CDC42BPA: variants seen among roughly 807,000 people sequenced by gnomAD.
CDC42BPA encodes the protein CDC42 binding protein kinase alpha, also known as serine/threonine-protein kinase MRCK alpha.
In CDC42BPA, 80 loss-of-function variants were observed where a neutral mutation model predicts 223.5. The ratio of observed to expected loss-of-function variants is 0.36; its 90% confidence interval spans 0.30 to 0.43. The LOEUF (loss-of-function observed/expected upper bound fraction) is 0.43, where lower values mean the gene tolerates loss of function less well. CDC42BPA is among the 20% of genes least tolerant of loss of function. The probability of loss-of-function intolerance (pLI) is 1.00; values close to 1 mark genes in which losing one functional copy is unlikely to be tolerated. For synonymous variants in CDC42BPA, 694 were observed against 718.6 expected, an observed-to-expected ratio of 0.97 and a Z score of 0.55; for missense variants, 1,743 against 2,099.9, an observed-to-expected ratio of 0.83 and a Z score of 3.32.
intron 28 of CDC42BPA, 27 bp from the exon 29 acceptor site, chr1:227,030,497 T>C (rs778902521): frequency 3.5e-5 from 50 of 1,438,146 alleles, no homozygotes; most frequent in Admixed American, 4.4e-5. Context: ...TGTGAAAGAT[T>C]TTTATTAGGA....
At chr1:227,086,792 C>T (rs1682014002) in intron 16 of CDC42BPA, among the ~76,000 whole-genome samples, 1 of 151,684 alleles carries the variant, frequency 6.6e-6, no homozygotes, top group Non-Finnish European at 1.5e-5. Flanking sequence ...TTTAGCCTTC[C>T]AGGTAACTGG....
intron 12 of CDC42BPA, among the ~76,000 whole-genome samples, chr1:227,115,886 C>T (rs115823838): frequency 0.051 from 7,624 of 149,324 alleles, 232 homozygotes; most frequent in Non-Finnish European, 0.073. Flanking sequence ...AAAAAAAACA[C>T]GTCAATCTCA....
At chr1:227,175,759 T>G (rs1666845268) in intron 5 of CDC42BPA, among the ~76,000 whole-genome samples, 1 of 152,198 alleles carries the variant, frequency 6.6e-6, no homozygotes, top group African/African-American at 2.4e-5. Context: ...TATTTGCTAT[T>G]TGGCATGACA....
At position 227,016,997 on chromosome 1, in the gene CDC42BPA, C is replaced by A; in HGVS notation, c.4669G>T (p.Val1557Phe). ...ETSDNSRKQM[V>F]RNINNKRRYS... Reference sequence around the variant, plus strand: ...CGCCGCTTATTGTTAATGTTTCTAACCATTTGTTTCCGACTATTATCTGAT... The same window carrying A: ...CGCCGCTTATTGTTAATGTTTCTAAACATTTGTTTCCGACTATTATCTGAT... The change falls in exon 33 of 37, where the codon GTT becomes TTT. Residue 1557 changes from valine to phenylalanine, a missense_variant. Around this residue, in one of 6 missense-constraint regions of CDC42BPA, gnomAD observed 44 missense variants for 81.0 expected, o/e 0.54. Coordinates refer to ENST00000366766, the MANE Select transcript of CDC42BPA (RefSeq NM_001394014.1). 4 of 1,613,504 alleles carry A rather than the reference C, an allele frequency of 2.5e-6. No homozygotes were observed. The highest frequency in any genetic ancestry group is 2.2e-5 in the East Asian group (1 of 44,852).
intron 2 of CDC42BPA, among the ~76,000 whole-genome samples, chr1:227,237,797 T>C (rs1468820969): frequency 5.0e-5 from 7 of 139,138 alleles, no homozygotes; most frequent in African/African-American, 1.9e-4. Flanking sequence ...TCCCAGCACT[T>C]TGGGAGGCCG....
intron 21 of CDC42BPA, among the ~76,000 whole-genome samples, chr1:227,060,717 C>CT (rs59728048): frequency 0.031 from 2,965 of 95,386 alleles, 141 homozygotes; most frequent in East Asian, 0.058. Context: ...TAAATAGGTA[C>CT]TTTTTTTTTT....
rs796955127 is a variant in CDC42BPA, at chr1:227,151,091, C to T, written c.694-3532G>A. On this transcript the variant is annotated intron_variant, in intron 6 of 36. Transcript: ENST00000366766. Reference sequence around the variant, plus strand: ...TTCACACTGTTGTGCAACCAGTCCCCACCATCCTTCTCTAAAATTTTTTCA... The same window carrying T: ...TTCACACTGTTGTGCAACCAGTCCCTACCATCCTTCTCTAAAATTTTTTCA... Among the ~76,000 whole-genome samples the T allele has an allele frequency of 2.6e-4, 39 of 152,204 alleles. 1 individual carries two copies. The highest frequency in any genetic ancestry group is 8.4e-4 in the African/African-American group (35 of 41,542).
chr1:227,092,436 G>A (rs1683251589), intron 15 of CDC42BPA, among the ~76,000 whole-genome samples: 1 of 152,182 alleles, frequency 6.6e-6, no homozygotes, highest in Admixed American at 6.5e-5. Flanking sequence ...CGTACATCAA[G>A]GTTGATAATG....
chr1:227,060,306 G>A (rs542186790), intron 21 of CDC42BPA, among the ~76,000 whole-genome samples: 70 of 152,084 alleles, frequency 4.6e-4, no homozygotes, highest in Non-Finnish European at 8.2e-4. Context: ...AAATATTTTT[G>A]TGATGCTCCA....
In CDC42BPA at chr1:227,252,578, C is replaced by T. The variant is rs149232878; in HGVS notation, c.270+1486G>A. ...GATACCAAAATCTGATCAGAACATT[C>T]GAAGTAGGAAAATTACAGGCCAATT... is the stretch of plus-strand genomic sequence containing the variant. On this transcript the variant is annotated intron_variant, in intron 2 of 36. Coordinates refer to ENST00000366766, the MANE Select transcript of CDC42BPA (RefSeq NM_001394014.1). Among the ~76,000 whole-genome samples, 12 of 152,124 alleles carry T rather than the reference C, an allele frequency of 7.9e-5. No individual in the cohort carries two copies. In the East Asian group the frequency reaches 1.7e-3, roughly 22 times the overall value.
rs150909723 is a variant in CDC42BPA at position 227,307,479 on chromosome 1, C to T, written c.178+9526G>A. 3.7e-3 allele frequency among the ~76,000 whole-genome samples: 566 copies of T among 152,102 alleles called. 1 individual carries two copies. Among genetic ancestry groups the T allele is most frequent in the Middle Eastern group, 6.8e-3 (2 of 294 alleles). ...GTCAGCTGTTCTTCATAAGGAGTTC[C>T]AATGTTAAATTACTCAGGCAAATTC... On this transcript the variant is annotated intron_variant, in intron 1 of 36. Coordinates refer to ENST00000366766, the MANE Select transcript of CDC42BPA (RefSeq NM_001394014.1).
chr1:227,200,429 T>TTAAAA (rs1671524105), intron 3 of CDC42BPA, among the ~76,000 whole-genome samples: 3 of 33,348 alleles, frequency 9.0e-5, no homozygotes, highest in African/African-American at 3.6e-4. Context: ...AGACCTTGCC[T>TTAAAA]TAAAAAACAA....
chr1:227,102,329 C>A (rs1265068852), intron 14 of CDC42BPA, among the ~76,000 whole-genome samples: 1 of 152,102 alleles, frequency 6.6e-6, no homozygotes, highest in Non-Finnish European at 1.5e-5. Context: ...TGTGCCAGAT[C>A]CAGATCGTCC....
At chr1:227,288,947 T>A (rs1342905045) in intron 1 of CDC42BPA, among the ~76,000 whole-genome samples, 6 of 152,004 alleles carry the variant, frequency 3.9e-5, no homozygotes, top group Non-Finnish European at 5.9e-5. Context: ...TGGGGAGAGA[T>A]CATGTCATTG....
chr1:227,066,251 C>G (rs541373868), intron 21 of CDC42BPA, among the ~76,000 whole-genome samples: 1 of 151,684 alleles, frequency 6.6e-6, no homozygotes, highest in Non-Finnish European at 1.5e-5. Context: ...TAGCTAGGCA[C>G]GGGGGGCATG....
intron 1 of CDC42BPA, among the ~76,000 whole-genome samples, chr1:227,277,706 T>A (rs1687341438): frequency 6.6e-6 from 1 of 152,212 alleles, no homozygotes; most frequent in African/African-American, 2.4e-5. Context: ...ACTAAAAATT[T>A]AAAATCTCTT....
intron 1 of CDC42BPA, among the ~76,000 whole-genome samples, chr1:227,262,391 C>A (rs75284290): frequency 3.3e-5 from 5 of 151,964 alleles, no homozygotes; most frequent in South Asian, 2.1e-4. Flanking sequence ...TACTCTGAAG[C>A]AATAATTGAA....
chr1:227,201,270 C>T (rs960866858), intron 3 of CDC42BPA, among the ~76,000 whole-genome samples: 1 of 151,898 alleles, frequency 6.6e-6, no homozygotes, highest in Admixed American at 6.6e-5. Flanking sequence ...CTTAGCCTCT[C>T]GAGTAGCTGG....
intron 5 of CDC42BPA, among the ~76,000 whole-genome samples, chr1:227,168,776 C>T (rs963036494): frequency 6.6e-6 from 1 of 152,044 alleles, no homozygotes; most frequent in Non-Finnish European, 1.5e-5. Context: ...GGATTACAGG[C>T]GTGAGCCACT....
Sources: gnomAD v4.1 joint callset for allele counts (sites outside exome capture counted in the v4.1 genomes callset) on GRCh38, gnomAD v4.1.1 for gene constraint, gnomAD v4.1.1 regional missense constraint, MANE v1.5 for transcripts, NCBI Gene and HGNC (gene_info 2026-07-23, HGNC 2026-07-21) for gene names.